Variants in MSX2 observed in about 807,000 individuals in gnomAD.
The protein encoded by MSX2 is msh homeobox 2.
A neutral mutation model predicts 18.4 loss-of-function variants in MSX2; 10 were observed. That is an observed-to-expected ratio of 0.54 (90% CI 0.34 to 0.92). MSX2 has a LOEUF of 0.92. MSX2 is among the 40% of genes least tolerant of loss of function. MSX2 has a pLI of 0.02. For missense variants in MSX2, 339 were observed against 364.0 expected (o/e 0.93, Z 0.56); for synonymous variants, 170 against 165.6 (o/e 1.03, Z -0.20).
In MSX2 at chr5:174,730,507, T is replaced by G. The variant is rs1488698624; in HGVS notation, c.*924T>G. 1.3e-5 allele frequency: 2 copies of G among 152,620 alleles called. No individual in the cohort carries two copies. Among genetic ancestry groups the G allele is most frequent in the Non-Finnish European group, 2.9e-5 (2 of 68,038 alleles). 9.5% of individuals were successfully genotyped at this position (152,620 alleles called of 1,614,324 possible). A position where few individuals can be genotyped will look rare whatever the true frequency, so the allele number is the denominator to read the frequency against. ...TTTGGGTGGGGGTTTAGTAATTTTC[T>G]GCTTAAAAAATGAGTATCTTGTAAC... On this transcript the variant is annotated 3_prime_UTR_variant, in exon 2 of 2. Coordinates refer to ENST00000239243, the MANE Select transcript of MSX2 (RefSeq NM_002449.5).
At chr5:174,726,478 C>G (rs1370912507) in intron 1 of MSX2, among the ~76,000 whole-genome samples, 1 of 151,256 alleles carries the variant, frequency 6.6e-6, no homozygotes, top group Non-Finnish European at 1.5e-5. Context: ...TGCTTTATAG[C>G]ACTTTTCACC....
At position 174,728,995 on chromosome 5, in the gene MSX2, G is replaced by A. The variant is rs4867776; in HGVS notation, c.380-164G>A. On this transcript the variant is annotated intron_variant, in intron 1 of 1. Coordinates refer to ENST00000239243, the MANE Select transcript of MSX2 (RefSeq NM_002449.5). ...TGTGTGTGTGTGTGTGTGTGTGTGT[G>A]TATATGTATGTATATATAGATTTTT... 0.58 allele frequency among the ~76,000 whole-genome samples: 86,760 copies of A among 150,316 alleles called. 25,819 individuals carry two copies. Among genetic ancestry groups the A allele is most frequent in the East Asian group, 0.78 (3,994 of 5,122 alleles).
At position 174,724,610 on chromosome 5, in the gene MSX2, C is replaced by G. The variant is rs371076863; in HGVS notation, c.-50C>G. ...GCAAAAAAGTTTGAGTCGCCGCTGC[C>G]GGGTTGCCAGCGGAGTCGCGCGTCG... On this transcript the variant is annotated 5_prime_UTR_variant, in exon 1 of 2. Coordinates refer to ENST00000239243, the MANE Select transcript of MSX2 (RefSeq NM_002449.5). 13 of 1,554,250 alleles carry G rather than the reference C, an allele frequency of 8.4e-6. No individual in the cohort carries two copies. Among genetic ancestry groups the G allele is most frequent in the Middle Eastern group, 2.3e-4 (1 of 4,438 alleles).
rs1236377594 is a variant in MSX2, at chr5:174,730,081, GAAAC to G, written c.*500_*503del. On this transcript the variant is annotated 3_prime_UTR_variant, in exon 2 of 2. Coordinates refer to ENST00000239243, the MANE Select transcript of MSX2 (RefSeq NM_002449.5). ...TTGACTTCTGCTTATGGAAAACAAAGAAACAGACACAATGCACACAGAAAATATT... is the reference window on the plus strand; with the variant it reads ...TTGACTTCTGCTTATGGAAAACAAAGAGACACAATGCACACAGAAAATATT... 8 of 152,004 alleles carry G rather than the reference GAAAC, an allele frequency of 5.3e-5. No individual in the cohort carries two copies. The East Asian group carries it at 7.7e-4, about 15-fold the overall frequency. 9.4% of individuals were successfully genotyped at this position (152,004 alleles called of 1,614,324 possible). A position where few individuals can be genotyped will look rare whatever the true frequency, so the allele number is the denominator to read the frequency against.
rs775062909 is a variant in MSX2, at chr5:174,729,414, C to G, written c.635C>G (p.Ala212Gly). The change falls in exon 2 of 2, where the codon GCA becomes GGA. Residue 212 changes from alanine to glycine, a missense_variant. This residue lies in a region of MSX2 where 128 missense variants were observed against 178.6 expected (regional missense o/e 0.72). Transcript: ENST00000239243. ...EAELEKLKMA[A>G]KPMLPSSFSL... is the part of the protein sequence containing the mutation. ...GAACTGGAAAAGCTGAAAATGGCTG[C>G]AAAACCTATGCTGCCCTCCAGCTTC... 8.1e-6 allele frequency: 13 copies of G among 1,614,070 alleles called. No homozygotes were observed. Among genetic ancestry groups the G allele is most frequent in the Non-Finnish European group, 1.1e-5 (13 of 1,180,030 alleles).
In MSX2 at chr5:174,730,066, C is replaced by G. The variant is rs1760893963; in HGVS notation, c.*483C>G. On this transcript the variant is annotated 3_prime_UTR_variant, in exon 2 of 2. Transcript: ENST00000239243. The stretch of plus-strand genomic sequence containing the variant: ...ATTTTTACGGGATTATTGACTTCTG[C>G]TTATGGAAAACAAAGAAACAGACAC... 1 of 151,940 alleles carries G rather than the reference C, an allele frequency of 6.6e-6. No homozygotes were observed. The highest frequency in any genetic ancestry group is 1.5e-5 in the Non-Finnish European group (1 of 68,040). 9.4% of individuals were successfully genotyped at this position (151,940 alleles called of 1,614,324 possible). A position where few individuals can be genotyped will look rare whatever the true frequency, so the allele number is the denominator to read the frequency against.
intron 1 of MSX2, among the ~76,000 whole-genome samples, chr5:174,726,774 A>C (rs1760809053): frequency 1.3e-5 from 2 of 152,170 alleles, no homozygotes; most frequent in Non-Finnish European, 2.9e-5. Flanking sequence ...TGTTTAACAA[A>C]TATTGAGTAC....
Position 174,729,690 on chromosome 5 carries a change from G to T in MSX2, c.*107G>T. 1 of 1,219,668 alleles carries T rather than the reference G, an allele frequency of 8.2e-7. No individual in the cohort carries two copies. The highest frequency in any genetic ancestry group is 1.2e-6 in the Non-Finnish European group (1 of 837,936). 75.6% of individuals were successfully genotyped at this position (1,219,668 alleles called of 1,614,324 possible). On this transcript the variant is annotated 3_prime_UTR_variant, in exon 2 of 2. Transcript: ENST00000239243. Reference sequence around the variant, plus strand: ...AGTACTCCTGCTCTGCTAACCCTGCGTGCACCACCCTAAGCGGCTAGGCTG... The same window carrying T: ...AGTACTCCTGCTCTGCTAACCCTGCTTGCACCACCCTAAGCGGCTAGGCTG...
chr5:174,728,004 A>G (rs1346978858), intron 1 of MSX2, among the ~76,000 whole-genome samples: 1 of 152,232 alleles, frequency 6.6e-6, no homozygotes, highest in Non-Finnish European at 1.5e-5. Context: ...CTATCACCAC[A>G]GCTCTATCCT....
At position 174,724,880 on chromosome 5, in the gene MSX2, C is replaced by A. The variant is rs1021860270; in HGVS notation, c.221C>A (p.Ala74Asp). 6.4e-7 allele frequency: 1 copy of A among 1,559,352 alleles called. No homozygotes were observed. The highest frequency in any genetic ancestry group is 8.7e-7 in the Non-Finnish European group (1 of 1,152,226). Residue 74 changes from alanine to aspartate, a missense_variant, in exon 1 of 2, where the codon GCC (alanine) becomes GAC (aspartate). Physicochemically the swap from Ala to Asp is moderately radical, Grantham distance 126. Coordinates refer to ENST00000239243, the MANE Select transcript of MSX2 (RefSeq NM_002449.5). The stretch of plus-strand genomic sequence containing the variant: ...CCGGCCGAAAGCGCCTCGGCCGGGG[C>A]CACCCTGCGGCCACTGCTGCTGTCG... Reference protein sequence around the residue: ...PLPAESASAGATLRPLLLSGH... With the variant: ...PLPAESASAGDTLRPLLLSGH...
At chr5:174,727,454 G>A (rs1173808807) in intron 1 of MSX2, among the ~76,000 whole-genome samples, 3 of 152,100 alleles carry the variant, frequency 2.0e-5, no homozygotes, top group Admixed American at 6.5e-5. Context: ...AAAACCCCAC[G>A]TAGAGCCAGG....
At position 174,725,016 on chromosome 5, in the gene MSX2, C is replaced by T. The variant is rs756992471; in HGVS notation, c.357C>T (p.Pro119=). The part of the protein sequence containing the change: ...SEDGAAWMQE[P]GRYSPPPRHM... The stretch of plus-strand genomic sequence containing the variant: ...ATGGAGCGGCGTGGATGCAGGAACC[C>T]GGCCGATATTCGCCGCCGCCAAGTG... The change falls in exon 1 of 2, where the codon CCC becomes CCT. Residue 119 remains proline (P), a synonymous_variant. Transcript: ENST00000239243. 1.7e-5 allele frequency: 28 copies of T among 1,610,628 alleles called. No homozygotes were observed. The highest frequency in any genetic ancestry group is 2.2e-5 in the South Asian group (2 of 90,238).
rs774723279 is a variant in MSX2, at chr5:174,729,394, G to A, written c.615G>A (p.Leu205=). The A allele has an allele frequency of 9.9e-6, 16 of 1,614,066 alleles. No homozygotes were observed. The highest frequency in any genetic ancestry group is 1.3e-5 in the Non-Finnish European group (15 of 1,180,040). ...AKAKRLQEAE[L]EKLKMAAKPM... ...CGAAAAGACTGCAGGAGGCAGAACT[G>A]GAAAAGCTGAAAATGGCTGCAAAAC... Residue 205 remains leucine, a synonymous_variant, in exon 2 of 2, where the codon CTG becomes CTA. Transcript: ENST00000239243.
In MSX2 at chr5:174,729,680, C is replaced by T; in HGVS notation, c.*97C>T. On this transcript the variant is annotated 3_prime_UTR_variant, in exon 2 of 2. Coordinates refer to ENST00000239243, the MANE Select transcript of MSX2 (RefSeq NM_002449.5). Reference sequence around the variant, plus strand: ...AGTACCAGCCAGTACTCCTGCTCTGCTAACCCTGCGTGCACCACCCTAAGC... The same window carrying T: ...AGTACCAGCCAGTACTCCTGCTCTGTTAACCCTGCGTGCACCACCCTAAGC... 4 of 1,329,848 alleles carry T rather than the reference C, an allele frequency of 3.0e-6. No homozygotes were observed. In the East Asian group the frequency reaches 6.9e-5, roughly 23 times the overall value. 82.4% of individuals were successfully genotyped at this position (1,329,848 alleles called of 1,614,324 possible).
At chr5:174,728,904 C>G (rs1325974651) in intron 1 of MSX2, among the ~76,000 whole-genome samples, 1 of 151,986 alleles carries the variant, frequency 6.6e-6, no homozygotes, top group Non-Finnish European at 1.5e-5. Context: ...AAGAAACACA[C>G]ATAGTTTTGA....
At chr5:174,725,105 T>A (rs748006949) in intron 1 of MSX2, 67 bp downstream of exon 1, 49 of 1,579,584 alleles carry the variant, frequency 3.1e-5, no homozygotes, top group Non-Finnish European at 4.0e-5. Flanking sequence ...GGGCGGGTGT[T>A]CCAGGGCTGA....
In MSX2 at chr5:174,725,076, G is replaced by C. The variant is rs756722077; in HGVS notation, c.379+38G>C. 3.1e-6 allele frequency: 5 copies of C among 1,604,260 alleles called. No homozygotes were observed. The East Asian group carries it at 9.0e-5, about 29-fold the overall frequency. On this transcript the variant is annotated intron_variant, in intron 1 of 1. Coordinates refer to ENST00000239243, the MANE Select transcript of MSX2 (RefSeq NM_002449.5). ...CGGGGCAGGAGTAGGAGGTAGCGCG[G>C]GGTACTGGAGGGAGCGGGGGGCGGG...
At chr5:174,725,091 C>CG (rs1760755567) in intron 1 of MSX2, 53 bp downstream of exon 1, 1 of 1,594,812 alleles carries the variant, frequency 6.3e-7, no homozygotes, top group African/African-American at 1.3e-5. Flanking sequence ...CTGGAGGGAG[C>CG]GGGGGGCGGG....
chr5:174,728,293 G>A (rs1760847413), intron 1 of MSX2, among the ~76,000 whole-genome samples: 1 of 152,152 alleles, frequency 6.6e-6, no homozygotes, highest in Admixed American at 6.5e-5. Flanking sequence ...TTACATTTAT[G>A]GGCTAGCTAA....
Sources: gnomAD v4.1 joint callset for allele counts (sites outside exome capture counted in the v4.1 genomes callset) on GRCh38, gnomAD v4.1.1 for gene constraint, gnomAD v4.1.1 regional missense constraint, MANE v1.5 for transcripts, NCBI Gene and HGNC (gene_info 2026-07-23, HGNC 2026-07-21) for gene names.